ANO2: variants seen among roughly 807,000 people sequenced by gnomAD.
ANO2 encodes the protein anoctamin-2.
ANO2 carries 101 observed loss-of-function variants against 124.2 expected under a neutral mutation model. The observed-to-expected ratio is 0.81, with a 90% confidence interval of 0.69 to 0.96. The LOEUF (loss-of-function observed/expected upper bound fraction) is 0.96, where lower values mean the gene tolerates loss of function less well. Among genes scored for constraint, ANO2 ranks in the 40% least tolerant of loss-of-function variants. ANO2 has a pLI of 0.00. For synonymous variants in ANO2, 486 were observed against 482.5 expected, an observed-to-expected ratio of 1.01 and a Z score of -0.09; for missense variants, 1,293 against 1,274.5, an observed-to-expected ratio of 1.01 and a Z score of -0.22.
intron 3 of ANO2, among the ~76,000 whole-genome samples, chr12:5,911,961 T>G (rs897196974): frequency 1.3e-5 from 2 of 152,182 alleles, no homozygotes; most frequent in African/African-American, 4.8e-5. Flanking sequence ...GCTAAGGTGA[T>G]GCACAGACCA....
At chr12:5,930,996 C>T (rs950487654) in intron 1 of ANO2, among the ~76,000 whole-genome samples, 4 of 152,164 alleles carry the variant, frequency 2.6e-5, no homozygotes, top group Admixed American at 6.5e-5. Flanking sequence ...AGTTTGCATC[C>T]TTGCCTTGTT....
intron 1 of ANO2, among the ~76,000 whole-genome samples, chr12:5,938,140 C>G (rs1445238009): frequency 6.6e-6 from 1 of 152,224 alleles, no homozygotes; most frequent in African/African-American, 2.4e-5. Context: ...TGGGCACCTC[C>G]TTTCACACAC....
intron 10 of ANO2, among the ~76,000 whole-genome samples, chr12:5,753,605 T>C (rs1951499092): frequency 6.6e-6 from 1 of 152,220 alleles, no homozygotes; most frequent in Admixed American, 6.5e-5. Context: ...TGCAAATCTT[T>C]CACCCTCTTA....
At position 5,563,501 on chromosome 12, in the gene ANO2, T is replaced by A; in HGVS notation, c.2795A>T (p.Asp932Val). The A allele has an allele frequency of 6.2e-7, 1 of 1,613,980 alleles. No individual in the cohort carries two copies. Among genetic ancestry groups the A allele is most frequent in the Non-Finnish European group, 8.5e-7 (1 of 1,179,874 alleles). The change falls in exon 25 of 25, where the codon GAC (aspartate) becomes GTC (valine). Residue 932 changes from aspartate (D) to valine (V), a missense_variant. By Grantham distance (152) the Asp-to-Val change is radical. Transcript: ENST00000682330. ...MIPDIPTDIS[D>V]QIKKEKSLLV... ...TAAGCTCTTCTCTTTCTTGATCTGGTCGCTGATGTCCGTGGGGATGTCTGG... is the reference window on the plus strand; with the variant it reads ...TAAGCTCTTCTCTTTCTTGATCTGGACGCTGATGTCCGTGGGGATGTCTGG...
intron 4 of ANO2, among the ~76,000 whole-genome samples, chr12:5,844,956 T>A (rs867414708): frequency 2.1e-5 from 3 of 141,084 alleles, no homozygotes; most frequent in South Asian, 2.2e-4. Context: ...CCATGAAATT[T>A]TTTTTTTTTT....
intron 1 of ANO2, among the ~76,000 whole-genome samples, chr12:5,944,611 A>G (rs1943021222): frequency 6.6e-6 from 1 of 152,288 alleles, no homozygotes; most frequent in African/African-American, 2.4e-5. Flanking sequence ...TTCTTCTAAG[A>G]AAAGTCCCTC....
intron 3 of ANO2, among the ~76,000 whole-genome samples, chr12:5,878,549 G>T (rs1938266622): frequency 1.3e-5 from 2 of 152,192 alleles, no homozygotes; most frequent in South Asian, 2.1e-4. Flanking sequence ...TGGCATTATT[G>T]ATTTTTCTCT....
chr12:5,753,967 GA>G (rs924922782), intron 10 of ANO2, among the ~76,000 whole-genome samples: 1 of 151,846 alleles, frequency 6.6e-6, no homozygotes, highest in Admixed American at 6.6e-5. Flanking sequence ...CCAGATCTTA[GA>G]AAAAAAACTT....
intron 14 of ANO2, among the ~76,000 whole-genome samples, chr12:5,694,251 CAGAGAGAGAGAG>C (rs5796182): frequency 3.7e-5 from 5 of 133,968 alleles, no homozygotes; most frequent in Middle Eastern, 3.8e-3. Context: ...TTACCAGAGA[CAGAGAGAGAGAG>C]AGAGAGAGAG....
At chr12:5,593,512 C>T (rs1052723190) in intron 20 of ANO2, among the ~76,000 whole-genome samples, 3 of 152,078 alleles carry the variant, frequency 2.0e-5, no homozygotes, top group African/African-American at 7.2e-5. Context: ...GGGTCTGGTA[C>T]CCTCATTCTT....
intron 20 of ANO2, among the ~76,000 whole-genome samples, chr12:5,585,959 A>C (rs1943090784): frequency 6.6e-6 from 1 of 152,256 alleles, no homozygotes; most frequent in African/African-American, 2.4e-5. Context: ...ACAAGTAAGA[A>C]AACTCGGGGA....
At chr12:5,905,704 A>C (rs1035264101) in intron 3 of ANO2, among the ~76,000 whole-genome samples, 5 of 152,214 alleles carry the variant, frequency 3.3e-5, no homozygotes, top group Non-Finnish European at 7.3e-5. Flanking sequence ...ATGACCTTGG[A>C]ATCTGCCCAA....
At chr12:5,691,347 A>AAG (rs766797102) in intron 14 of ANO2, among the ~76,000 whole-genome samples, 1 of 69,648 alleles carries the variant, frequency 1.4e-5, no homozygotes, top group African/African-American at 4.0e-5. Context: ...AAAAAAAAAA[A>AAG]GAAGAAGAAG....
intron 20 of ANO2, chr12:5,583,993 T>C: frequency 4.1e-6 from 1 of 241,082 alleles, no homozygotes; most frequent in South Asian, 7.0e-5. Flanking sequence ...CAGAATGATC[T>C]CACCTTCCTT....
chr12:5,828,634 T>A (rs1428385453), intron 6 of ANO2, among the ~76,000 whole-genome samples: 2 of 152,196 alleles, frequency 1.3e-5, no homozygotes, highest in Non-Finnish European at 2.9e-5. Context: ...CCTGAAGCCC[T>A]ACATGCCCAA....
intron 20 of ANO2, among the ~76,000 whole-genome samples, chr12:5,592,783 G>GT (rs1204041009): frequency 1.3e-5 from 2 of 152,146 alleles, no homozygotes; most frequent in African/African-American, 2.4e-5. Context: ...AGTCAGCGAG[G>GT]TAAGTATCCA....
Position 5,787,831 on chromosome 12 carries a change from G to A in ANO2, c.1055+11676C>T, listed in dbSNP as rs138204334. 5.2e-3 allele frequency among the ~76,000 whole-genome samples: 788 copies of A among 152,122 alleles called. 9 individuals are homozygous for A. The highest frequency in any genetic ancestry group is 0.018 in the African/African-American group (752 of 41,468). On this transcript the variant is annotated intron_variant, in intron 10 of 24. Transcript: ENST00000682330. This position sits in a 1 kb window ranked among gnomAD's most constrained non-coding sequence, Gnocchi z 4.2. The stretch of plus-strand genomic sequence containing the variant: ...CTCTAGTCATCTCTGTCACACTTCC[G>A]GTTAACTATGCACTGTCTCCCCTGC...
At chr12:5,589,201 A>G (rs1943271795) in intron 20 of ANO2, among the ~76,000 whole-genome samples, 1 of 152,170 alleles carries the variant, frequency 6.6e-6, no homozygotes, top group East Asian at 1.9e-4. Context: ...GCTAGTTCCC[A>G]GAGCTGCTGC....
intron 14 of ANO2, among the ~76,000 whole-genome samples, chr12:5,694,084 G>A (rs1286440452): frequency 6.6e-6 from 1 of 152,046 alleles, no homozygotes; most frequent in Non-Finnish European, 1.5e-5. Flanking sequence ...GCCTGCAACA[G>A]AGTGAGGCCT....
Sources: gnomAD v4.1 joint callset for allele counts (sites outside exome capture counted in the v4.1 genomes callset) on GRCh38, gnomAD v4.1.1 for gene constraint, Gnocchi (gnomAD v3.1) non-coding constraint, MANE v1.5 for transcripts, NCBI Gene and HGNC (gene_info 2026-07-23, HGNC 2026-07-21) for gene names.